CLCA1: variants seen among roughly 807,000 people sequenced by gnomAD.
The protein encoded by CLCA1 is chloride channel accessory 1.
A neutral mutation model predicts 85.6 loss-of-function variants in CLCA1; 59 were observed. The observed-to-expected ratio is 0.69, with a 90% confidence interval of 0.56 to 0.86. CLCA1 has a LOEUF of 0.86. Among genes scored for constraint, CLCA1 ranks in the 40% least tolerant of loss-of-function variants. CLCA1 has a pLI of 0.00. For synonymous variants in CLCA1, 396 were observed against 398.3 expected (o/e 0.99, Z 0.07); for missense variants, 1,022 against 1,101.4 (o/e 0.93, Z 1.02).
intron 1 of CLCA1, 53 bp from the exon 2 acceptor site, chr1:86,473,364 T>C: frequency 7.6e-7 from 1 of 1,308,384 alleles, no homozygotes; most frequent in South Asian, 1.7e-5. Flanking sequence ...GAATGACTGA[T>C]AATTTAATTT....
chr1:86,499,557 C>A, intron 13 of CLCA1, 97 bp from the exon 14 acceptor site: 1 of 777,676 alleles, frequency 1.3e-6, no homozygotes, highest in Non-Finnish European at 2.0e-6. Context: ...TTCTCATAGA[C>A]TTTTAAAGCT....
chr1:86,476,370 A>C, intron 3 of CLCA1, 78 bp from the exon 4 acceptor site: 1 of 712,522 alleles, frequency 1.4e-6, no homozygotes, highest in Non-Finnish European at 2.5e-6. Context: ...AAATATTCCA[A>C]ACATTGCTTT....
chr1:86,473,350 A>C (rs1390502587), intron 1 of CLCA1, 67 bp from the exon 2 acceptor site: 8 of 1,203,760 alleles, frequency 6.6e-6, no homozygotes, highest in Non-Finnish European at 9.2e-6. Flanking sequence ...CCAGATGTGA[A>C]TTTGAATGAC....
At chr1:86,479,481 A>G (rs1054819500) in intron 4 of CLCA1, among the ~76,000 whole-genome samples, 3 of 152,222 alleles carry the variant, frequency 2.0e-5, no homozygotes, top group African/African-American at 7.2e-5. Flanking sequence ...CATTAAAAAA[A>G]TCTAAGAGTT....
rs5744331 is a variant in CLCA1, at chr1:86,475,484, T to A, written c.452-964T>A. On this transcript the variant is annotated intron_variant, in intron 3 of 13. Coordinates refer to ENST00000394711, the MANE Select transcript of CLCA1 (RefSeq NM_001285.4). ...ATGACAGTGAAGAAGTCATATTGTC[T>A]GTCCTCATGGAGACAATTTTCTATT... is the stretch of plus-strand genomic sequence containing the variant. Among the ~76,000 whole-genome samples the A allele has an allele frequency of 7.6e-3, 1,155 of 152,348 alleles. 21 individuals are homozygous for A. Among genetic ancestry groups the A allele is most frequent in the Admixed American group, 0.016 (242 of 15,304 alleles).
At chr1:86,484,955 T>C (rs1337978609) in intron 5 of CLCA1, among the ~76,000 whole-genome samples, 1 of 152,090 alleles carries the variant, frequency 6.6e-6, no homozygotes, top group Non-Finnish European at 1.5e-5. Flanking sequence ...GGTTAGAATA[T>C]AGTGTGTTGG....
Position 86,494,373 on chromosome 1 carries a change from AG to A in CLCA1, c.1870del (p.Ala624ProfsTer6), listed in dbSNP as rs1162950453. The part of the protein sequence containing the change: ...NIRQGASPIL[R>X]ASVTALIESV... ...TCGCCAAGGAGCCTCCCCAATTCTCAGGGCCAGTGTCACAGCCCTGATTGAA... is the reference window on the plus strand; with the variant it reads ...TCGCCAAGGAGCCTCCCCAATTCTCAGGCCAGTGTCACAGCCCTGATTGAA... On this transcript the variant is annotated frameshift_variant, in exon 11 of 14. Coordinates refer to ENST00000394711, the MANE Select transcript of CLCA1 (RefSeq NM_001285.4). LOFTEE classifies it high-confidence loss of function. 6.2e-7 allele frequency: 1 copy of A among 1,614,122 alleles called. No individual in the cohort carries two copies.
intron 8 of CLCA1, among the ~76,000 whole-genome samples, chr1:86,490,999 T>A (rs1304915096): frequency 6.6e-6 from 1 of 151,856 alleles, no homozygotes; most frequent in Non-Finnish European, 1.5e-5. Context: ...CGCTTGAGCC[T>A]GGAAGGTGGA....
rs566244303 is a variant in CLCA1, at chr1:86,500,159, A to C, written c.*114A>C. The C allele has an allele frequency of 6.1e-6, 4 of 652,846 alleles. No homozygotes were observed. In the African/African-American group the frequency reaches 7.3e-5, roughly 12 times the overall value. The allele number at this position is 652,846 out of a possible 1,614,324, so 40.4% of individuals were successfully genotyped here. On this transcript the variant is annotated 3_prime_UTR_variant, in exon 14 of 14. Coordinates refer to ENST00000394711, the MANE Select transcript of CLCA1 (RefSeq NM_001285.4). Reference sequence around the variant, plus strand: ...AGGGGGCGATATACTAAATGTATATAGTACATTTATACTAAATGTATTCCT... The same window carrying C: ...AGGGGGCGATATACTAAATGTATATCGTACATTTATACTAAATGTATTCCT...
chr1:86,475,257 C>G (rs1479282254), intron 3 of CLCA1, among the ~76,000 whole-genome samples: 1 of 152,100 alleles, frequency 6.6e-6, no homozygotes, highest in Admixed American at 6.5e-5. Flanking sequence ...TTAAAGAGAC[C>G]ACCAATACCT....
Position 86,495,587 on chromosome 1 carries a change from G to C in CLCA1, c.2025G>C (p.Val675=). The C allele has an allele frequency of 6.2e-7, 1 of 1,614,130 alleles. No individual in the cohort carries two copies. Among genetic ancestry groups the C allele is most frequent in the Non-Finnish European group, 8.5e-7 (1 of 1,179,982 alleles). ...YDTNGRYSVK[V]RALGGVNAAR... ...CGAATGGTAGATACAGTGTAAAAGT[G>C]CGGGCTCTGGGAGGAGTTAACGCAG... is the stretch of plus-strand genomic sequence containing the variant. The change falls in exon 12 of 14, where the codon GTG becomes GTC. Residue 675 remains valine (V), a synonymous_variant. Transcript: ENST00000394711.
chr1:86,485,591 T>C (rs375706920), intron 6 of CLCA1, 30 bp downstream of exon 6: 23 of 1,598,386 alleles, frequency 1.4e-5, no homozygotes, highest in Non-Finnish European at 1.6e-5. Flanking sequence ...GTCTTCTGGA[T>C]GCTGGTCACA....
At chr1:86,484,006 A>C (rs5744359) in intron 5 of CLCA1, among the ~76,000 whole-genome samples, 3,841 of 152,262 alleles carry the variant, frequency 0.025, 169 homozygotes, top group African/African-American at 0.088. Context: ...AATGCAAGGG[A>C]AATTGCCGCT....
At chr1:86,479,002 A>G (rs1303370616) in intron 4 of CLCA1, among the ~76,000 whole-genome samples, 1 of 152,240 alleles carries the variant, frequency 6.6e-6, no homozygotes, top group Non-Finnish European at 1.5e-5. Flanking sequence ...AAGAATAGCC[A>G]CTATTATCAC....
In CLCA1 at chr1:86,498,740, C is replaced by T; in HGVS notation, c.2282C>T (p.Ala761Val). Reference sequence around the variant, plus strand: ...CCTGGCCAAATCACCGACCTGAAGGCGGAAATTCACGGGGGCAGTCTCATT... The same window carrying T: ...CCTGGCCAAATCACCGACCTGAAGGTGGAAATTCACGGGGGCAGTCTCATT... ...FPPGQITDLKAEIHGGSLINL... is the reference protein window; with the variant it reads ...FPPGQITDLKVEIHGGSLINL... The change falls in exon 13 of 14, where the codon GCG becomes GTG. Residue 761 changes from alanine to valine, a missense_variant. Coordinates refer to ENST00000394711, the MANE Select transcript of CLCA1 (RefSeq NM_001285.4). The T allele has an allele frequency of 6.8e-6, 11 of 1,614,050 alleles. No individual in the cohort carries two copies. The highest frequency in any genetic ancestry group is 1.7e-5 in the Admixed American group (1 of 60,012).
chr1:86,485,759 A>T (rs1647949469), intron 6 of CLCA1, among the ~76,000 whole-genome samples, 198 bp downstream of exon 6: 1 of 152,204 alleles, frequency 6.6e-6, no homozygotes, highest in Admixed American at 6.5e-5. Context: ...AAATTGAATT[A>T]ATTTTCAATT....
chr1:86,499,030 G>A (rs1357151814), intron 13 of CLCA1, among the ~76,000 whole-genome samples: 2 of 152,178 alleles, frequency 1.3e-5, no homozygotes, highest in Non-Finnish European at 2.9e-5. Context: ...AGCCAGGAAG[G>A]GTAAACCTCA....
chr1:86,483,798 GC>G (rs1232167257), intron 5 of CLCA1, among the ~76,000 whole-genome samples: 1 of 152,168 alleles, frequency 6.6e-6, no homozygotes, highest in East Asian at 1.9e-4. Context: ...AATTTAGTAA[GC>G]AGGTTTCTGT....
At chr1:86,495,847 T>G (rs995156146) in intron 12 of CLCA1, among the ~76,000 whole-genome samples, 172 bp downstream of exon 12, 3 of 152,186 alleles carry the variant, frequency 2.0e-5, no homozygotes, top group Non-Finnish European at 4.4e-5. Context: ...TCCTGCACAT[T>G]GTGGCATGTT....
Sources: gnomAD v4.1 joint callset for allele counts (sites outside exome capture counted in the v4.1 genomes callset) on GRCh38, gnomAD v4.1.1 for gene constraint, MANE v1.5 for transcripts, NCBI Gene and HGNC (gene_info 2026-07-23, HGNC 2026-07-21) for gene names.